Variants in DMD observed in about 807,000 individuals in gnomAD.
DMD encodes the protein dystrophin, also known as mutant dystrophin.
In DMD, 63 loss-of-function variants were observed where a neutral mutation model predicts 330.1. The ratio of observed to expected loss-of-function variants is 0.19; its 90% confidence interval spans 0.16 to 0.24. DMD has a LOEUF of 0.24. DMD is among the 10% of genes least tolerant of loss of function. The pLI, the probability that DMD is intolerant of heterozygous loss-of-function variation, is 1.00. For synonymous variants in DMD, 1,223 were observed against 959.8 expected (o/e 1.27, Z -5.07); for missense variants, 3,344 against 2,684.1 (o/e 1.25, Z -5.43).
intron 60 of DMD, among the ~76,000 whole-genome samples, chrX:31,371,870 G>A (rs2059592167): frequency 8.9e-6 from 1 of 112,453 alleles, no homozygotes; most frequent in Non-Finnish European, 1.9e-5. Context: ...AAGTTGGACT[G>A]CCTGGTGTGA....
intron 2 of DMD, among the ~76,000 whole-genome samples, chrX:32,850,600 G>T (rs949535964): frequency 1.8e-5 from 2 of 111,538 alleles, no homozygotes; most frequent in African/African-American, 6.5e-5. Context: ...CTAGAATGGG[G>T]TAAAGCCAAA....
intron 7 of DMD, among the ~76,000 whole-genome samples, chrX:32,716,492 C>A (rs1041204989): frequency 9.0e-6 from 1 of 111,491 alleles, no homozygotes; most frequent in Non-Finnish European, 1.9e-5. Flanking sequence ...TTAAGTAAAC[C>A]TCTTATCTTT....
chrX:31,372,839 A>G (rs956256680), intron 60 of DMD, among the ~76,000 whole-genome samples: 1 of 111,034 alleles, frequency 9.0e-6, no homozygotes, highest in African/African-American at 3.3e-5. Flanking sequence ...CAGGCAGGAG[A>G]AGGAAATAAA....
At chrX:33,028,924 C>A (rs2094054224) in intron 1 of DMD, among the ~76,000 whole-genome samples, 1 of 111,635 alleles carries the variant, frequency 9.0e-6, no homozygotes, top group Non-Finnish European at 1.9e-5. Flanking sequence ...AATAATGCAG[C>A]CCAAATCCCA....
intron 44 of DMD, among the ~76,000 whole-genome samples, chrX:32,178,844 TGTGTGTGTGTGTGTGTGTGTACACA>T (rs2096915794): frequency 2.8e-5 from 3 of 106,115 alleles, no homozygotes; most frequent in South Asian, 4.1e-4. Flanking sequence ...TGTGTGTGTG[TGTGTGTGTGTGTGTGTGTGTACACA>T]CGATTCTTGG....
At chrX:32,673,191 T>C (rs1344257492) in intron 9 of DMD, among the ~76,000 whole-genome samples, 1 of 110,966 alleles carries the variant, frequency 9.0e-6, no homozygotes, top group Non-Finnish European at 1.9e-5. Context: ...TCCTATAATG[T>C]GGAACAGGCT....
At chrX:33,308,788 T>C (rs1268353810) in intron 1 of DMD, among the ~76,000 whole-genome samples, 2 of 112,035 alleles carry the variant, frequency 1.8e-5, no homozygotes, top group Non-Finnish European at 3.8e-5. Context: ...TTGGGAATTT[T>C]TTTAGATACT....
intron 44 of DMD, among the ~76,000 whole-genome samples, chrX:32,174,551 AATAG>A (rs2096899503): frequency 8.9e-6 from 1 of 112,183 alleles, no homozygotes; most frequent in African/African-American, 3.2e-5. Flanking sequence ...AGCAGAGTTG[AATAG>A]TTGCAACAGA....
intron 2 of DMD, among the ~76,000 whole-genome samples, chrX:32,865,014 A>G (rs2082369312): frequency 9.0e-6 from 1 of 111,599 alleles, no homozygotes; most frequent in South Asian, 3.7e-4. Flanking sequence ...TTGTAAGTTA[A>G]ATAATATAGT....
intron 55 of DMD, among the ~76,000 whole-genome samples, chrX:31,509,152 T>C (rs3827455): frequency 0.059 from 6,527 of 111,406 alleles, 252 homozygotes; most frequent in African/African-American, 0.13. Flanking sequence ...TGGAAGGATA[T>C]AGCCTGATTT....
At chrX:32,892,827 C>T (rs2085342562) in intron 2 of DMD, among the ~76,000 whole-genome samples, 1 of 112,061 alleles carries the variant, frequency 8.9e-6, no homozygotes, top group South Asian at 3.7e-4. Flanking sequence ...TCTCTCTGGC[C>T]ACAATGATCG....
Position 32,464,743 on chromosome X carries a change from C to T in DMD, c.3163-44G>A, listed in dbSNP as rs192568451. On this transcript the variant is annotated intron_variant, in intron 23 of 78. Transcript: ENST00000357033. ...TAAGGCATTACTGGTGTGCTGATTA[C>T]TTTTAACACAATTCATCATTGTGTT... 3.9e-3 allele frequency: 3,461 copies of T among 898,709 alleles called. 75 individuals carry two copies. In the African/African-American group the frequency reaches 0.06, roughly 16 times the overall value. The allele number at this position is 898,709 out of a possible 1,213,427, so 74.1% of individuals were successfully genotyped here.
At chrX:32,334,813 C>A (rs2097697502) in intron 41 of DMD, among the ~76,000 whole-genome samples, 1 of 111,753 alleles carries the variant, frequency 8.9e-6, no homozygotes, top group Non-Finnish European at 1.9e-5. Flanking sequence ...GTCATAATCC[C>A]ATTAGCATAT....
intron 44 of DMD, among the ~76,000 whole-genome samples, chrX:32,132,993 C>CTTTTCTTTTTTTT (rs2096705124): frequency 1.8e-4 from 14 of 75,955 alleles, no homozygotes; most frequent in African/African-American, 9.0e-4. Context: ...CTTTTCTTTT[C>CTTTTCTTTTTTTT]TTTTTTTTTT....
At chrX:31,284,481 C>T (rs2052871999) in intron 62 of DMD, among the ~76,000 whole-genome samples, 1 of 111,115 alleles carries the variant, frequency 9.0e-6, no homozygotes, top group Admixed American at 9.5e-5. Context: ...TGATATCACT[C>T]CTTTGTATCA....
At chrX:32,978,900 T>G (rs1481396307) in intron 2 of DMD, among the ~76,000 whole-genome samples, 1 of 112,501 alleles carries the variant, frequency 8.9e-6, no homozygotes, top group Non-Finnish European at 1.9e-5. Flanking sequence ...ATTGTAACTA[T>G]GGCCAAAAGA....
chrX:32,446,350 C>T (rs1174875338), intron 27 of DMD, among the ~76,000 whole-genome samples: 1 of 108,881 alleles, frequency 9.2e-6, no homozygotes, highest in Non-Finnish European at 1.9e-5. Context: ...AATAACTTGA[C>T]AGCAGATTTC....
intron 44 of DMD, among the ~76,000 whole-genome samples, chrX:32,109,271 G>T (rs900890329): frequency 9.1e-6 from 1 of 110,260 alleles, no homozygotes; most frequent in African/African-American, 3.3e-5. Context: ...GAGACTCTAT[G>T]CGCCCAGAAT....
chrX:33,308,366 C>T (rs765176880), intron 1 of DMD, among the ~76,000 whole-genome samples: 11 of 111,784 alleles, frequency 9.8e-5, no homozygotes, highest in African/African-American at 1.9e-4. Flanking sequence ...TTTGAGATTT[C>T]GAAATAAATA....
Sources: gnomAD v4.1 joint callset for allele counts (sites outside exome capture counted in the v4.1 genomes callset) on GRCh38, gnomAD v4.1.1 for gene constraint, MANE v1.5 for transcripts, NCBI Gene and HGNC (gene_info 2026-07-23, HGNC 2026-07-21) for gene names.